ENOX1: variants seen among roughly 807,000 people sequenced by gnomAD.
ENOX1 encodes the protein ecto-NOX disulfide-thiol exchanger 1.
ENOX1 carries 42 observed loss-of-function variants against 82.5 expected under a neutral mutation model. The observed-to-expected ratio is 0.51, with a 90% CI of 0.40 to 0.66. ENOX1 has a LOEUF of 0.66. ENOX1 is among the 30% of genes least tolerant of loss of function. The pLI is 0.00. For missense variants in ENOX1, 608 were observed against 811.6 expected, an observed-to-expected ratio of 0.75 and a Z score of 3.05; for synonymous variants, 271 against 282.2, an observed-to-expected ratio of 0.96 and a Z score of 0.40.
chr13:43,716,321 C>T (rs1456083836), intron 1 of ENOX1, among the ~76,000 whole-genome samples: 1 of 152,146 alleles, frequency 6.6e-6, no homozygotes, highest in African/African-American at 2.4e-5. Context: ...TGCTAGAGAT[C>T]CACTCCAGAC....
intron 12 of ENOX1, among the ~76,000 whole-genome samples, chr13:43,290,517 C>T (rs1043420321): frequency 1.3e-5 from 2 of 152,158 alleles, no homozygotes; most frequent in African/African-American, 4.8e-5. Flanking sequence ...CCAAATACTG[C>T]ATCTTCTCAA....
In ENOX1 at chr13:43,347,874, T is replaced by G. The variant is rs1345690389; in HGVS notation, c.824-3124A>C. Reference sequence around the variant, plus strand: ...GATGTGCTTTTTCCACTATAAGAATTGAGAACGATTGGTATATGATGGAGT... The same window carrying G: ...GATGTGCTTTTTCCACTATAAGAATGGAGAACGATTGGTATATGATGGAGT... On this transcript the variant is annotated intron_variant, in intron 8 of 16. Coordinates refer to ENST00000690772, the MANE Select transcript of ENOX1 (RefSeq NM_001347969.2). Among the ~76,000 whole-genome samples the G allele has an allele frequency of 7.4e-4, 112 of 152,222 alleles. 1 individual carries two copies. The highest frequency in any genetic ancestry group is 4.4e-5 in the Non-Finnish European group (3 of 68,032).
chr13:43,585,789 G>C (rs1040193915), intron 2 of ENOX1, among the ~76,000 whole-genome samples: 2 of 152,132 alleles, frequency 1.3e-5, no homozygotes, highest in Non-Finnish European at 2.9e-5. Flanking sequence ...ATGTTGGCCA[G>C]GCTGGTCTCG....
chr13:43,557,283 G>T (rs1015072585), intron 2 of ENOX1, among the ~76,000 whole-genome samples: 1 of 152,170 alleles, frequency 6.6e-6, no homozygotes, highest in Non-Finnish European at 1.5e-5. Context: ...TTCATGTATG[G>T]CCAGAAGGTG....
intron 2 of ENOX1, among the ~76,000 whole-genome samples, chr13:43,659,503 T>A (rs183371186): frequency 5.0e-4 from 74 of 148,702 alleles, no homozygotes; most frequent in Middle Eastern, 3.4e-3. Flanking sequence ...AAAAAAAAAA[T>A]TTTCTTCTTC....
chr13:43,579,865 T>A (rs1303230024), intron 2 of ENOX1, among the ~76,000 whole-genome samples: 1 of 152,150 alleles, frequency 6.6e-6, no homozygotes, highest in Non-Finnish European at 1.5e-5. Flanking sequence ...CTACTGTAAG[T>A]GGAGGGATAT....
intron 11 of ENOX1, among the ~76,000 whole-genome samples, chr13:43,299,878 G>A (rs572955135): frequency 2.6e-5 from 4 of 152,282 alleles, no homozygotes; most frequent in South Asian, 2.1e-4. Flanking sequence ...CCCGCTCCCC[G>A]TGTCAGAGGA....
At position 43,713,486 on chromosome 13, in the gene ENOX1, T is replaced by C. The variant is rs368444659; in HGVS notation, c.-284-45942A>G. The stretch of plus-strand genomic sequence containing the variant: ...TTGATTGGAATAGTTTCAGAAGGAA[T>C]GGTACCAGTTCCTCCTTGTACCTCT... On this transcript the variant is annotated intron_variant, in intron 1 of 16. Transcript: ENST00000690772. Among the ~76,000 whole-genome samples, 11 of 152,212 alleles carry C rather than the reference T, an allele frequency of 7.2e-5. No homozygotes were observed. The East Asian group carries it at 1.7e-3, about 24-fold the overall frequency.
At chr13:43,445,249 A>C (rs369858881) in intron 3 of ENOX1, among the ~76,000 whole-genome samples, 8 of 150,158 alleles carry the variant, frequency 5.3e-5, no homozygotes, top group South Asian at 2.1e-4. Context: ...TCAGCCTCCC[A>C]AGTAGCTGGG....
chr13:43,528,489 C>A (rs1231390968), intron 2 of ENOX1, among the ~76,000 whole-genome samples: 2 of 151,866 alleles, frequency 1.3e-5, no homozygotes, highest in Non-Finnish European at 2.9e-5. Flanking sequence ...ATACCTATTG[C>A]CTATATTTAT....
intron 1 of ENOX1, among the ~76,000 whole-genome samples, chr13:43,705,518 G>A (rs928375988): frequency 6.6e-6 from 1 of 151,608 alleles, no homozygotes; most frequent in Non-Finnish European, 1.5e-5. Context: ...ATATAAGAAA[G>A]CCTGTATGGC....
intron 9 of ENOX1, among the ~76,000 whole-genome samples, chr13:43,333,191 CT>C (rs1037522178): frequency 6.6e-6 from 1 of 152,142 alleles, no homozygotes; most frequent in African/African-American, 2.4e-5. Context: ...ATAAAAAATT[CT>C]TAGCAGTAGA....
At chr13:43,529,470 T>C (rs1593652341) in intron 2 of ENOX1, among the ~76,000 whole-genome samples, 2 of 152,196 alleles carry the variant, frequency 1.3e-5, no homozygotes, top group Non-Finnish European at 1.5e-5. Flanking sequence ...AAAAATCATA[T>C]GCTGAGGTTG....
chr13:43,637,159 G>A (rs1210187630), intron 2 of ENOX1, among the ~76,000 whole-genome samples: 1 of 152,146 alleles, frequency 6.6e-6, no homozygotes, highest in African/African-American at 2.4e-5. Flanking sequence ...GACTGGGAGT[G>A]CTGCTATGAA....
At chr13:43,762,756 T>TA (rs1281951451) in intron 1 of ENOX1, among the ~76,000 whole-genome samples, 2 of 152,222 alleles carry the variant, frequency 1.3e-5, no homozygotes, top group Non-Finnish European at 2.9e-5. Context: ...AAACAATGCT[T>TA]AGTCTACCTA....
chr13:43,449,159 C>T (rs992998036), intron 3 of ENOX1, among the ~76,000 whole-genome samples: 1 of 152,200 alleles, frequency 6.6e-6, no homozygotes, highest in Non-Finnish European at 1.5e-5. Flanking sequence ...CAATCCATTC[C>T]ATTCCATTCT....
chr13:43,247,226 C>A (rs1374506536), intron 14 of ENOX1, among the ~76,000 whole-genome samples: 1 of 152,176 alleles, frequency 6.6e-6, no homozygotes, highest in Non-Finnish European at 1.5e-5. Context: ...TGAGGCAGAA[C>A]TGATTGAACC....
At chr13:43,742,359 TCAA>T (rs1594649383) in intron 1 of ENOX1, among the ~76,000 whole-genome samples, 1 of 151,798 alleles carries the variant, frequency 6.6e-6, no homozygotes, top group East Asian at 1.9e-4. Context: ...ACTAGAAGCA[TCAA>T]TGTCCAGTCA....
At chr13:43,730,148 G>A (rs2089252813) in intron 1 of ENOX1, among the ~76,000 whole-genome samples, 1 of 152,142 alleles carries the variant, frequency 6.6e-6, no homozygotes, top group South Asian at 2.1e-4. Flanking sequence ...CCATCCATAT[G>A]TTAATGACTC....
Sources: gnomAD v4.1 joint callset for allele counts (sites outside exome capture counted in the v4.1 genomes callset) on GRCh38, gnomAD v4.1.1 for gene constraint, MANE v1.5 for transcripts, NCBI Gene and HGNC (gene_info 2026-07-23, HGNC 2026-07-21) for gene names.